Variants in CLIP2 observed in about 807,000 individuals in gnomAD.
CLIP2 encodes CAP-Gly domain-containing linker protein 2.
Under a neutral mutation model 111.7 loss-of-function variants are expected in CLIP2, and 41 were observed. That is an observed-to-expected ratio of 0.37 (90% CI 0.29 to 0.48). The LOEUF (loss-of-function observed/expected upper bound fraction) is 0.48. Ranked by LOEUF, CLIP2 falls within the 20% of genes least tolerant of loss-of-function variation. The pLI is 0.99. For missense variants in CLIP2, 1,160 were observed against 1,422.1 expected, an observed-to-expected ratio of 0.82 and a Z score of 2.96; for synonymous variants, 660 against 644.2, an observed-to-expected ratio of 1.02 and a Z score of -0.37.
rs868921670 is a variant in CLIP2, at chr7:74,338,465, C to G, written c.139C>G (p.Gln47Glu). 14 of 1,613,012 alleles carry G rather than the reference C, an allele frequency of 8.7e-6. No homozygotes were observed. In the Middle Eastern group the frequency reaches 2.2e-3, roughly 250 times the overall value. The change falls in exon 3 of 17, where the codon CAG (glutamine) becomes GAG (glutamate). Residue 47 changes from glutamine (Q) to glutamate (E), a missense_variant. Physicochemically the swap from Gln to Glu is conservative, Grantham distance 29 (BLOSUM62 2). This residue lies in a region of CLIP2 where 301 missense variants were observed against 315.2 expected (regional missense o/e 0.96). Transcript: ENST00000223398. The surrounding 1 kb of genome is among the most constrained non-coding windows in gnomAD (Gnocchi z 4.3). ...SSKEGSPLHK[Q>E]SSGPSSSPAA... ...CTCTGCAGGCTCCCCACTGCACAAACAGTCATCTGGACCCTCCTCCTCCCC... is the reference window on the plus strand; with the variant it reads ...CTCTGCAGGCTCCCCACTGCACAAAGAGTCATCTGGACCCTCCTCCTCCCC...
intron 13 of CLIP2, among the ~76,000 whole-genome samples, chr7:74,392,564 C>G (rs756019545): frequency 6.6e-6 from 1 of 151,884 alleles, no homozygotes; most frequent in African/African-American, 2.4e-5. Flanking sequence ...TGGCTGCTCA[C>G]GCCTGTAATC....
chr7:74,403,392 A>T (rs1554318042), intron 16 of CLIP2, among the ~76,000 whole-genome samples: 1 of 151,412 alleles, frequency 6.6e-6, no homozygotes, highest in East Asian at 2.0e-4. Context: ...AACATGGTGA[A>T]ACCCCATCTC....
At chr7:74,301,284 G>A (rs549506275) in intron 1 of CLIP2, among the ~76,000 whole-genome samples, 6 of 152,152 alleles carry the variant, frequency 3.9e-5, no homozygotes, top group Non-Finnish European at 8.8e-5. Flanking sequence ...GTAATTGCAA[G>A]GTCCTTACAC....
intron 2 of CLIP2, among the ~76,000 whole-genome samples, chr7:74,328,140 G>A (rs1554730867): frequency 6.6e-6 from 1 of 152,146 alleles, no homozygotes; most frequent in East Asian, 1.9e-4. Context: ...CCTGGTCGGG[G>A]TGGGCTGGGG....
At chr7:74,349,967 G>T (rs1789937000) in intron 3 of CLIP2, among the ~76,000 whole-genome samples, 1 of 151,982 alleles carries the variant, frequency 6.6e-6, no homozygotes. Flanking sequence ...GTAGCGATAG[G>T]ATAGAAATAG....
At chr7:74,330,253 T>C (rs1264638571) in intron 2 of CLIP2, among the ~76,000 whole-genome samples, 2 of 149,362 alleles carry the variant, frequency 1.3e-5, no homozygotes, top group African/African-American at 2.4e-5. Flanking sequence ...CTTTTCTTTT[T>C]TTTTTTTTTC....
At chr7:74,357,556 G>A in intron 6 of CLIP2, 79 bp downstream of exon 6, 1 of 1,310,682 alleles carries the variant, frequency 7.6e-7, no homozygotes, top group Non-Finnish European at 1.1e-6. Flanking sequence ...CGGAGACCCT[G>A]GAGGGGGTGG....
Position 74,378,601 on chromosome 7 carries a change from A to G in CLIP2, c.2421+1779A>G, listed in dbSNP as rs73360589. Among the ~76,000 whole-genome samples, 702 of 152,254 alleles carry G rather than the reference A, an allele frequency of 4.6e-3. 12 individuals carry two copies. Among genetic ancestry groups the G allele is most frequent in the African/African-American group, 0.016 (661 of 41,564 alleles). On this transcript the variant is annotated intron_variant, in intron 10 of 16. Transcript: ENST00000223398. ...CAAAAATAAAAAATTAGCCGAGTAC[A>G]GTGGTAGTGTACCTGTAGTCCCCAG...
intron 7 of CLIP2, among the ~76,000 whole-genome samples, chr7:74,360,976 C>T (rs1233755881): frequency 6.6e-6 from 1 of 152,068 alleles, no homozygotes; most frequent in Middle Eastern, 3.2e-3. Flanking sequence ...GGGAGCCGTG[C>T]ACCAGGAAGA....
intron 9 of CLIP2, 150 bp from the exon 10 acceptor site, chr7:74,375,737 G>GT: frequency 1.6e-6 from 1 of 614,614 alleles, no homozygotes; most frequent in Non-Finnish European, 2.8e-6. Flanking sequence ...ACTCAGGAGG[G>GT]AGTGAGCGCC....
chr7:74,388,987 AT>A, intron 12 of CLIP2, 115 bp from the exon 13 acceptor site: 3 of 1,256,320 alleles, frequency 2.4e-6, no homozygotes, highest in Non-Finnish European at 3.3e-6. Context: ...GCAGTGGGGT[AT>A]GTCACCTTCA....
intron 11 of CLIP2, among the ~76,000 whole-genome samples, chr7:74,383,739 C>G (rs1554314317): frequency 6.6e-6 from 1 of 152,098 alleles, no homozygotes; most frequent in African/African-American, 2.4e-5. Flanking sequence ...CTTTGGGAGG[C>G]CCGGGCAGGA....
Position 74,356,629 on chromosome 7 carries a change from G to A in CLIP2, c.1017+6G>A. 6.2e-7 allele frequency: 1 copy of A among 1,610,010 alleles called. No individual in the cohort carries two copies. The highest frequency in any genetic ancestry group is 8.5e-7 in the Non-Finnish European group (1 of 1,178,180). ...GGCCCAGCCGCAGTGGCCTGGTGAG[G>A]GTGGGGCTGCAGAAGGGGATTCTCT... On this transcript the variant is annotated splice_donor_region_variant and intron_variant, in intron 5 of 16. Coordinates refer to ENST00000223398, the MANE Select transcript of CLIP2 (RefSeq NM_003388.5).
At chr7:74,349,656 C>G (rs1286826327) in intron 3 of CLIP2, among the ~76,000 whole-genome samples, 1 of 151,410 alleles carries the variant, frequency 6.6e-6, no homozygotes, top group Admixed American at 6.6e-5. Flanking sequence ...AAGTCTCACT[C>G]TTGTCACCCA....
chr7:74,310,654 T>C (rs1213011914), intron 1 of CLIP2, among the ~76,000 whole-genome samples: 1 of 152,196 alleles, frequency 6.6e-6, no homozygotes, highest in African/African-American at 2.4e-5. Context: ...AAACTTTCTA[T>C]GGACACATAT....
intron 10 of CLIP2, among the ~76,000 whole-genome samples, chr7:74,377,826 A>C (rs1489057923): frequency 4.7e-5 from 7 of 148,698 alleles, no homozygotes; most frequent in African/African-American, 1.7e-4. Flanking sequence ...TCCCCCACAT[A>C]CATTTTTTTT....
In CLIP2 at chr7:74,397,220, A is replaced by G; in HGVS notation, c.2867A>G (p.Lys956Arg). Residue 956 changes from lysine to arginine, a missense_variant, in exon 14 of 17, where the codon AAG (lysine) becomes AGG (arginine). Transcript: ENST00000223398. ...GATGACATCCGGGGCCTGCGTGAAA[A>G]GCTGACCGGGCTGGTATGTGGGGTA... ...LKDDIRGLREKLTGLDKEKSL... is the reference protein window; with the variant it reads ...LKDDIRGLRERLTGLDKEKSL... 6.2e-7 allele frequency: 1 copy of G among 1,613,244 alleles called. No individual in the cohort carries two copies. Among genetic ancestry groups the G allele is most frequent in the Non-Finnish European group, 8.5e-7 (1 of 1,179,760 alleles).
chr7:74,356,271 C>A, intron 4 of CLIP2, 139 bp from the exon 5 acceptor site: 1 of 718,456 alleles, frequency 1.4e-6, no homozygotes, highest in Non-Finnish European at 2.5e-6. Context: ...AGATTTCCAC[C>A]TTGGAGTGTC....
At chr7:74,395,806 A>G (rs940517091) in intron 13 of CLIP2, among the ~76,000 whole-genome samples, 1 of 151,414 alleles carries the variant, frequency 6.6e-6, no homozygotes, top group African/African-American at 2.4e-5. Flanking sequence ...AAAGTAGCAG[A>G]GATTTCCTTT....
Sources: allele counts gnomAD v4.1 joint callset (sites outside exome capture counted in the v4.1 genomes callset), GRCh38; gene constraint gnomAD v4.1.1; regional missense constraint gnomAD v4.1.1; non-coding constraint Gnocchi (gnomAD v3.1); transcripts MANE v1.5; gene names NCBI Gene and HGNC (gene_info 2026-07-23, HGNC 2026-07-21).